The following PCDHA6 variants were observed in gnomAD, a reference collection of about 807,000 sequenced individuals.
PCDHA6 encodes the protein protocadherin alpha 6.
Under a neutral mutation model 60.3 loss-of-function variants are expected in PCDHA6, and 55 were observed. That is an observed-to-expected ratio of 0.91 (90% confidence interval 0.73 to 1.14). The LOEUF (loss-of-function observed/expected upper bound fraction) is 1.14. Ranked by LOEUF, PCDHA6 falls within the 50% of genes most tolerant of loss-of-function variation. The probability of loss-of-function intolerance (pLI) is 0.00; values close to 1 mark genes in which losing one functional copy is unlikely to be tolerated. For synonymous variants in PCDHA6, 652 were observed against 557.9 expected (o/e 1.17, Z -2.38); for missense variants, 1,327 against 1,256.5 (o/e 1.06, Z -0.85).
chr5:140,876,651 T>TC, intron 1 of PCDHA6: 1 of 1,614,178 alleles, frequency 6.2e-7, no homozygotes, highest in South Asian at 1.1e-5. Context: ...CACCTCATGT[T>TC]CCCTTCAAGC....
chr5:140,850,280 C>T lies in PCDHA6; in HGVS notation c.2394+19795C>T. ...CCGGCGTAGTGGTGGGGAAGGTGCG[C>T]GCAGTGGACGCCGACTCGGGCTACA... is the stretch of plus-strand genomic sequence containing the variant. On this transcript the variant is annotated intron_variant, in intron 1 of 3. Coordinates refer to ENST00000529310, the MANE Select transcript of PCDHA6 (RefSeq NM_018909.4). The T allele has an allele frequency of 3.1e-6, 5 of 1,595,478 alleles. 1 individual carries two copies. Among genetic ancestry groups the T allele is most frequent in the Non-Finnish European group, 8.6e-7 (1 of 1,167,556 alleles).
intron 1 of PCDHA6, among the ~76,000 whole-genome samples, chr5:140,907,844 C>T (rs1402744978): frequency 1.3e-5 from 2 of 152,218 alleles, no homozygotes; most frequent in African/African-American, 4.8e-5. Context: ...TATTAAAATC[C>T]TCCTCTGCTG....
chr5:140,862,630 C>T (rs138501125), intron 1 of PCDHA6: 7 of 535,352 alleles, frequency 1.3e-5, no homozygotes, highest in Non-Finnish European at 2.7e-5. Flanking sequence ...GCGGGGCTGC[C>T]ACGACTTCAC....
intron 1 of PCDHA6, among the ~76,000 whole-genome samples, chr5:140,976,433 C>T (rs2096716122): frequency 6.6e-6 from 1 of 152,036 alleles, no homozygotes; most frequent in South Asian, 2.1e-4. Context: ...TGCCTGTAAT[C>T]CCAGCTACTA....
chr5:140,838,969 A>G (rs1274095738), intron 1 of PCDHA6, among the ~76,000 whole-genome samples: 1 of 152,050 alleles, frequency 6.6e-6, no homozygotes, highest in Non-Finnish European at 1.5e-5. Flanking sequence ...CCCAGAACTG[A>G]CAATTTTCAC....
chr5:140,933,938 T>C (rs1275274532), intron 1 of PCDHA6, among the ~76,000 whole-genome samples: 1 of 152,108 alleles, frequency 6.6e-6, no homozygotes, highest in Non-Finnish European at 1.5e-5. Context: ...TGACTTTTTT[T>C]CACATCTGCA....
chr5:140,960,553 C>T (rs2095555809), intron 1 of PCDHA6, among the ~76,000 whole-genome samples: 1 of 152,078 alleles, frequency 6.6e-6, no homozygotes, highest in Non-Finnish European at 1.5e-5. Context: ...TTCATATAGA[C>T]TGAGCTTAGG....
intron 3 of PCDHA6, among the ~76,000 whole-genome samples, chr5:141,008,739 C>A (rs1554261919): frequency 1.3e-5 from 2 of 152,166 alleles, no homozygotes; most frequent in Non-Finnish European, 2.9e-5. Context: ...AGACTGTGAG[C>A]ACACTGAGGG....
intron 1 of PCDHA6, among the ~76,000 whole-genome samples, chr5:140,904,545 C>A (rs2071206893): frequency 6.6e-6 from 1 of 151,876 alleles, no homozygotes; most frequent in Admixed American, 6.6e-5. Context: ...GTATCTTTTT[C>A]ATATAATGAC....
At chr5:140,925,238 T>C (rs2082404327) in intron 1 of PCDHA6, among the ~76,000 whole-genome samples, 1 of 152,248 alleles carries the variant, frequency 6.6e-6, no homozygotes, top group African/African-American at 2.4e-5. Context: ...CCAGAAAATA[T>C]GTCCTGGAAA....
chr5:140,968,150 A>C, intron 1 of PCDHA6: 1 of 1,614,180 alleles, frequency 6.2e-7, no homozygotes. Context: ...GATCTCTGAC[A>C]TCAATGACAA....
chr5:140,869,363 A>G lies in PCDHA6; in HGVS notation c.2394+38878A>G, dbSNP rs1201912812. The G allele has an allele frequency of 9.3e-6, 15 of 1,614,010 alleles. No individual in the cohort carries two copies. In the Admixed American group the frequency reaches 2.5e-4, roughly 27 times the overall value. ...CTGCAGAATGGCATTTTGTTTGTGA[A>G]TTCTCGGATCGACCGCGAGGAGCTG... On this transcript the variant is annotated intron_variant, in intron 1 of 3. Coordinates refer to ENST00000529310, the MANE Select transcript of PCDHA6 (RefSeq NM_018909.4).
At chr5:140,856,096 GCTT>G (rs782403061) in intron 1 of PCDHA6, 1 of 1,597,460 alleles carries the variant, frequency 6.3e-7, no homozygotes, top group South Asian at 1.1e-5. Flanking sequence ...TGCTGCTCTC[GCTT>G]CTTCTCCTCG....
chr5:140,942,924 T>A (rs2093394309), intron 1 of PCDHA6, among the ~76,000 whole-genome samples: 1 of 151,518 alleles, frequency 6.6e-6, no homozygotes, highest in African/African-American at 2.4e-5. Context: ...AAAAAAAAAA[T>A]TGAAAAAGAG....
At chr5:140,927,258 T>C in intron 1 of PCDHA6, 1 of 1,613,878 alleles carries the variant, frequency 6.2e-7, no homozygotes, top group Non-Finnish European at 8.5e-7. Context: ...ACAACTCACC[T>C]CTCTTTCCTG....
chr5:140,947,580 A>G (rs1031254382), intron 1 of PCDHA6, among the ~76,000 whole-genome samples: 2 of 151,664 alleles, frequency 1.3e-5, no homozygotes, highest in Non-Finnish European at 3.0e-5. Context: ...TGTTTTTAAC[A>G]TTTAGATCAA....
At chr5:140,892,480 CA>C (rs1484176083) in intron 1 of PCDHA6, among the ~76,000 whole-genome samples, 14 of 152,110 alleles carry the variant, frequency 9.2e-5, no homozygotes, top group Non-Finnish European at 1.8e-4. Context: ...GTTTCCTAGC[CA>C]AACATGAGAG....
chr5:140,941,173 A>G (rs1235741316), intron 1 of PCDHA6, among the ~76,000 whole-genome samples: 5 of 135,522 alleles, frequency 3.7e-5, no homozygotes, highest in Non-Finnish European at 4.9e-5. Flanking sequence ...CCCCATCTTG[A>G]ACATCCTGCT....
At chr5:140,998,295 A>G (rs2097805023) in intron 3 of PCDHA6, among the ~76,000 whole-genome samples, 1 of 152,206 alleles carries the variant, frequency 6.6e-6, no homozygotes, top group Non-Finnish European at 1.5e-5. Context: ...CAGATCACAC[A>G]TTTAGTAAGG....
Sources: allele counts gnomAD v4.1 joint callset (sites outside exome capture counted in the v4.1 genomes callset), GRCh38; gene constraint gnomAD v4.1.1; transcripts MANE v1.5; gene names NCBI Gene and HGNC (gene_info 2026-07-23, HGNC 2026-07-21).